Variants in WDFY4 observed in about 807,000 individuals in gnomAD.
The protein encoded by WDFY4 is WDFY family member 4.
In WDFY4, 169 loss-of-function variants were observed where a neutral mutation model predicts 351.9. The ratio of observed to expected loss-of-function variants is 0.48; its 90% confidence interval spans 0.42 to 0.55. The LOEUF is 0.55. WDFY4 is among the 20% of genes least tolerant of loss of function. The pLI is 0.00. For missense variants in WDFY4, 3,803 were observed against 3,935.6 expected (o/e 0.97, Z 0.90); for synonymous variants, 1,622 against 1,574.6 (o/e 1.03, Z -0.71).
intron 25 of WDFY4, among the ~76,000 whole-genome samples, chr10:48,804,566 A>C (rs1164179524): frequency 1.2e-5 from 1 of 81,088 alleles, no homozygotes. Flanking sequence ...TTAATACAAA[A>C]AAAAAAAAAA....
intron 54 of WDFY4, 35 bp downstream of exon 54, chr10:48,964,089 A>G: frequency 6.5e-7 from 1 of 1,545,136 alleles, no homozygotes; most frequent in Non-Finnish European, 8.7e-7. Context: ...TTGCTTTCTC[A>G]AAAGAGTGTG....
At position 48,800,126 on chromosome 10, in the gene WDFY4, C is replaced by T. The variant is rs1182371705; in HGVS notation, c.4411-3160C>T. Reference sequence around the variant, plus strand: ...GTCTTGATCTCTTGATCTCATGATCCGCCCACCTTGGCCTTCCAAAGCCCT... The same window carrying T: ...GTCTTGATCTCTTGATCTCATGATCTGCCCACCTTGGCCTTCCAAAGCCCT... On this transcript the variant is annotated intron_variant, in intron 24 of 61. Coordinates refer to ENST00000325239, the MANE Select transcript of WDFY4 (RefSeq NM_001394531.1). 4.6e-5 allele frequency among the ~76,000 whole-genome samples: 7 copies of T among 152,164 alleles called. No individual in the cohort carries two copies. In the South Asian group the frequency reaches 6.2e-4, roughly 13 times the overall value.
chr10:48,913,368 C>A, intron 47 of WDFY4: 8 of 1,598,964 alleles, frequency 5.0e-6, no homozygotes, highest in Non-Finnish European at 6.8e-6. Flanking sequence ...TTCCCTTCTG[C>A]CTCAGGGTCA....
intron 10 of WDFY4, 148 bp from the exon 11 acceptor site, chr10:48,735,732 T>C: frequency 1.3e-6 from 1 of 774,306 alleles, no homozygotes; most frequent in Non-Finnish European, 2.0e-6. Flanking sequence ...GGGTATGGGT[T>C]ACCAAAAAAT....
chr10:48,946,862 G>A lies in WDFY4; in HGVS notation c.7870G>A (p.Asp2624Asn). 2 of 1,551,798 alleles carry A rather than the reference G, an allele frequency of 1.3e-6. No individual in the cohort carries two copies. Among genetic ancestry groups the A allele is most frequent in the Non-Finnish European group, 8.7e-7 (1 of 1,146,940 alleles). The change falls in exon 51 of 62, where the codon GAC (aspartate) becomes AAC (asparagine). Residue 2624 changes from aspartate to asparagine, a missense_variant and splice_region_variant. Asp to Asn is a conservative substitution (Grantham distance 23, BLOSUM62 1). Coordinates refer to ENST00000325239, the MANE Select transcript of WDFY4 (RefSeq NM_001394531.1). ...RFKEVEKTEG[D>N]MTVQCHYYTH... Reference sequence around the variant, plus strand: ...TCAAGCATGTGTTTTTGTTGCAGGAGACATGACTGTCCAGTGCCACTACTA... The same window carrying A: ...TCAAGCATGTGTTTTTGTTGCAGGAAACATGACTGTCCAGTGCCACTACTA...
chr10:48,975,258 A>C (rs1038716430), intron 58 of WDFY4: 6 of 678,284 alleles, frequency 8.8e-6, no homozygotes, highest in Non-Finnish European at 1.5e-5. Context: ...TGTTGGGGAC[A>C]GTGGGAAGTG....
intron 43 of WDFY4, chr10:48,884,165 A>C (rs2070365312): frequency 1.3e-5 from 2 of 152,092 alleles, no homozygotes. Flanking sequence ...TATGAGTTTG[A>C]CCTTGGTAGA....
chr10:48,760,188 G>C (rs1477723463), intron 12 of WDFY4, among the ~76,000 whole-genome samples, 159 bp from the exon 13 acceptor site: 3 of 152,164 alleles, frequency 2.0e-5, no homozygotes, highest in African/African-American at 7.2e-5. Flanking sequence ...TTTAGAGTTG[G>C]AGGAAATTAG....
intron 1 of WDFY4, among the ~76,000 whole-genome samples, chr10:48,701,772 C>T (rs1461974331): frequency 6.6e-6 from 1 of 152,192 alleles, no homozygotes; most frequent in African/African-American, 2.4e-5. Flanking sequence ...CTCTTTCCAG[C>T]ACCTGTGAAA....
At chr10:48,902,664 CAGG>C (rs1256472864) in intron 47 of WDFY4, among the ~76,000 whole-genome samples, 1 of 151,422 alleles carries the variant, frequency 6.6e-6, no homozygotes, top group Non-Finnish European at 1.5e-5. Context: ...ACATTCTCAC[CAGG>C]AGGACAGACA....
intron 12 of WDFY4, among the ~76,000 whole-genome samples, chr10:48,751,992 T>C (rs80343331): frequency 0.06 from 9,064 of 152,210 alleles, 409 homozygotes; most frequent in Non-Finnish European, 0.087. Context: ...CTCCCAAAGA[T>C]ACAGGCACTT....
intron 27 of WDFY4, among the ~76,000 whole-genome samples, chr10:48,806,627 T>A (rs577317568): frequency 4.5e-4 from 69 of 152,360 alleles, no homozygotes; most frequent in African/African-American, 1.5e-3. Context: ...ATTTGTAGTT[T>A]GTTTATGTGA....
chr10:48,811,543 C>T lies in WDFY4; in HGVS notation c.5049C>T (p.Asn1683=), dbSNP rs2067446875. The T allele has an allele frequency of 1.3e-6, 2 of 1,552,144 alleles. No homozygotes were observed. The highest frequency in any genetic ancestry group is 3.9e-5 in the Admixed American group (2 of 50,998). Residue 1683 remains asparagine (N), a synonymous_variant, in exon 30 of 62, where the codon AAC becomes AAT. Transcript: ENST00000325239. ...CCCCCTTTGCCTGATCAATAGACAA[C>T]CTGAAGAGCCAGTCACCACTGCCTG... ...STEGVDIVMD[N]LKSQSPLPEQ...
In WDFY4 at chr10:48,832,651, C is replaced by A; in HGVS notation, c.6605C>A (p.Ser2202Tyr). Residue 2202 changes from serine (S) to tyrosine (Y), a missense_variant, in exon 39 of 62, where the codon TCC becomes TAC. Physicochemically the swap from Ser to Tyr is moderately radical, Grantham distance 144. Transcript: ENST00000325239. ...GTCACTTTGTGGAGTGGAAGCCTGT[C>A]CTCAGCCATGAAGCTGATGCCCGGG... ...SKVTLWSGSL[S>Y]SAMKLMPGRQ... 6.4e-7 allele frequency: 1 copy of A among 1,551,204 alleles called. No individual in the cohort carries two copies. The highest frequency in any genetic ancestry group is 2.0e-5 in the Admixed American group (1 of 50,912).
At chr10:48,870,941 CT>C (rs35914987) in intron 40 of WDFY4, among the ~76,000 whole-genome samples, 74,375 of 148,362 alleles carry the variant, frequency 0.5, 18,440 homozygotes, top group East Asian at 0.71. Flanking sequence ...GATATGCGTT[CT>C]TTTTTTTTTT....
intron 15 of WDFY4, 81 bp downstream of exon 15, chr10:48,775,887 AGGTGGGAAAGCAAACAGGTTTAAACAT>A (rs1287556224): frequency 3.1e-6 from 4 of 1,300,348 alleles, no homozygotes; most frequent in Non-Finnish European, 4.3e-6. Context: ...CCTTTACAAC[AGGTGGGAAAGCAAACAGGTTTAAACAT>A]GGTTTTGTCT....
Position 48,796,406 on chromosome 10 carries a change from A to G in WDFY4, c.4366A>G (p.Ile1456Val), listed in dbSNP as rs552394663. The change falls in exon 24 of 62, where the codon ATC becomes GTC. Residue 1456 changes from isoleucine (I) to valine (V), a missense_variant. By Grantham distance (29) the Ile-to-Val change is conservative. Around this residue, in one of 3 missense-constraint regions of WDFY4, gnomAD observed 3,054 missense variants for 3,148.6 expected, o/e 0.97. Coordinates refer to ENST00000325239, the MANE Select transcript of WDFY4 (RefSeq NM_001394531.1). ...TVELGFRSSA[I>V]TNTGVFQHIL... ...GGAGCTGGGCTTCAGGTCATCTGCT[A>G]TCACCAACACTGGTGTCTTCCAGCA... The G allele has an allele frequency of 2.5e-5, 39 of 1,552,138 alleles. No individual in the cohort carries two copies. In the African/African-American group the frequency reaches 3.7e-4, roughly 15 times the overall value.
At chr10:48,924,634 C>G (rs538050883) in intron 47 of WDFY4, among the ~76,000 whole-genome samples, 1 of 152,198 alleles carries the variant, frequency 6.6e-6, no homozygotes, top group South Asian at 2.1e-4. Context: ...TTTTTTTATA[C>G]TTTGGAAAAA....
chr10:48,788,779 TA>T, intron 21 of WDFY4, 104 bp downstream of exon 21: 1 of 1,405,356 alleles, frequency 7.1e-7, no homozygotes, highest in Non-Finnish European at 9.5e-7. Flanking sequence ...TGCACTTGTG[TA>T]GATGGATACA....
Sources: allele counts gnomAD v4.1 joint callset (sites outside exome capture counted in the v4.1 genomes callset), GRCh38; gene constraint gnomAD v4.1.1; regional missense constraint gnomAD v4.1.1; transcripts MANE v1.5; gene names NCBI Gene and HGNC (gene_info 2026-07-23, HGNC 2026-07-21).